The following NELL2 variants were observed in gnomAD, a reference collection of about 807,000 sequenced individuals.
NELL2 encodes protein kinase C-binding protein NELL2.
Under a neutral mutation model 109.6 loss-of-function variants are expected in NELL2, and 41 were observed. That is an observed-to-expected ratio of 0.37 (90% CI 0.29 to 0.49). The LOEUF is 0.49. Among genes scored for constraint, NELL2 ranks in the 20% least tolerant of loss-of-function variants. The probability of loss-of-function intolerance (pLI) is 0.98; values close to 1 mark genes in which losing one functional copy is unlikely to be tolerated. For synonymous variants in NELL2, 355 were observed against 344.7 expected (o/e 1.03, Z -0.33); for missense variants, 900 against 1,008.3 (o/e 0.89, Z 1.45).
intron 9 of NELL2, among the ~76,000 whole-genome samples, chr12:44,755,857 C>T (rs1054621109): frequency 5.9e-5 from 9 of 152,166 alleles, no homozygotes; most frequent in East Asian, 1.9e-4. Context: ...AAAATCCTAA[C>T]GATGGATGAA....
intron 9 of NELL2, among the ~76,000 whole-genome samples, chr12:44,768,110 A>G (rs188176320): frequency 3.3e-4 from 50 of 152,292 alleles, no homozygotes; most frequent in African/African-American, 9.9e-4. Flanking sequence ...CTCTGCTATG[A>G]GCTGACTAAT....
intron 2 of NELL2, among the ~76,000 whole-genome samples, chr12:44,852,157 T>C (rs1944552783): frequency 6.6e-6 from 1 of 152,232 alleles, no homozygotes; most frequent in South Asian, 2.1e-4. Flanking sequence ...TGATTTACTC[T>C]TTTTCTTTGA....
At chr12:44,705,137 T>C (rs1410285802) in intron 11 of NELL2, among the ~76,000 whole-genome samples, 2 of 152,148 alleles carry the variant, frequency 1.3e-5, no homozygotes, top group East Asian at 3.8e-4. Context: ...AGTACTATAT[T>C]GGTTCATCTT....
chr12:44,867,044 C>T (rs1287459510), intron 2 of NELL2, among the ~76,000 whole-genome samples: 1 of 152,106 alleles, frequency 6.6e-6, no homozygotes, highest in Non-Finnish European at 1.5e-5. Flanking sequence ...GATGGCTTCA[C>T]TGCTAAACTC....
intron 9 of NELL2, among the ~76,000 whole-genome samples, chr12:44,769,954 G>C (rs953315906): frequency 7.2e-5 from 11 of 152,124 alleles, no homozygotes; most frequent in Admixed American, 2.0e-4. Flanking sequence ...TTTCAACCTT[G>C]ATTAAGATAC....
At chr12:44,830,498 A>G (rs1943852343) in intron 2 of NELL2, among the ~76,000 whole-genome samples, 2 of 152,212 alleles carry the variant, frequency 1.3e-5, no homozygotes, top group African/African-American at 4.8e-5. Context: ...TTTCACTGCA[A>G]GAAAGAAAAC....
chr12:44,725,995 C>T (rs568002284), intron 9 of NELL2, among the ~76,000 whole-genome samples: 6 of 152,064 alleles, frequency 3.9e-5, no homozygotes, highest in South Asian at 4.2e-4. Context: ...TACCCCCAAA[C>T]GTAAGAAAAA....
At chr12:44,725,631 A>G (rs1013409089) in intron 9 of NELL2, among the ~76,000 whole-genome samples, 1 of 152,230 alleles carries the variant, frequency 6.6e-6, no homozygotes, top group Non-Finnish European at 1.5e-5. Context: ...AGACTGGATT[A>G]AAAAAATGTG....
intron 9 of NELL2, among the ~76,000 whole-genome samples, chr12:44,766,077 C>T (rs967814300): frequency 1.3e-5 from 2 of 150,084 alleles, no homozygotes; most frequent in Non-Finnish European, 3.0e-5. Flanking sequence ...CAGAGCAAGA[C>T]TCCGTATCAG....
intron 3 of NELL2, among the ~76,000 whole-genome samples, chr12:44,799,721 G>T (rs116449805): frequency 6.6e-6 from 1 of 152,084 alleles, no homozygotes; most frequent in African/African-American, 2.4e-5. Flanking sequence ...TGTAGGGGGG[G>T]TGATGTATTT....
At chr12:44,909,025 A>T (rs1036196036) in intron 1 of NELL2, among the ~76,000 whole-genome samples, 2 of 151,986 alleles carry the variant, frequency 1.3e-5, no homozygotes, top group African/African-American at 2.4e-5. Context: ...TGCTCTATTA[A>T]GTTGAAAAAG....
At chr12:44,742,594 A>G (rs1433154824) in intron 9 of NELL2, among the ~76,000 whole-genome samples, 1 of 152,218 alleles carries the variant, frequency 6.6e-6, no homozygotes, top group Non-Finnish European at 1.5e-5. Context: ...TAGAACAACC[A>G]ATGCAGAGAA....
intron 3 of NELL2, among the ~76,000 whole-genome samples, chr12:44,785,768 A>G (rs1942142763): frequency 6.6e-6 from 1 of 152,156 alleles, no homozygotes; most frequent in African/African-American, 2.4e-5. Flanking sequence ...GACAAAAACA[A>G]GCAATAGGGA....
Position 44,508,853 on chromosome 12 carries a change from C to A in NELL2, c.*81G>T, listed in dbSNP as rs568173323. On this transcript the variant is annotated 3_prime_UTR_variant, in exon 20 of 20. Transcript: ENST00000429094. ...CTGCATTTAGCTGCCCACAAATCAC[C>A]CAATTTAAGTTTTAACTTCTTTTTG... The A allele has an allele frequency of 6.6e-6, 8 of 1,213,754 alleles. No homozygotes were observed. The highest frequency in any genetic ancestry group is 3.9e-4 in the Middle Eastern group (2 of 5,128). 75.2% of individuals were successfully genotyped at this position (1,213,754 alleles called of 1,614,324 possible).
At chr12:44,535,726 A>G (rs7953009) in intron 15 of NELL2, among the ~76,000 whole-genome samples, 81,402 of 151,642 alleles carry the variant, frequency 0.54, 22,851 homozygotes, top group East Asian at 0.72. Flanking sequence ...ATAAAACTTT[A>G]AAATTTTAAA....
chr12:44,682,491 C>A (rs1948549751), intron 12 of NELL2, among the ~76,000 whole-genome samples: 2 of 152,070 alleles, frequency 1.3e-5, no homozygotes, highest in African/African-American at 4.8e-5. Context: ...GAAGTCCTTG[C>A]CCATGCCTAT....
intron 9 of NELL2, among the ~76,000 whole-genome samples, chr12:44,768,324 A>T (rs1941415550): frequency 6.6e-6 from 1 of 150,734 alleles, no homozygotes; most frequent in South Asian, 2.1e-4. Flanking sequence ...TTTTTTTTTT[A>T]ATTAAGATAA....
At chr12:44,812,190 AGGCTCCACT>A (rs1206175002) in intron 3 of NELL2, among the ~76,000 whole-genome samples, 5 of 152,170 alleles carry the variant, frequency 3.3e-5, no homozygotes, top group Non-Finnish European at 7.4e-5. Context: ...TTCATATAGA[AGGCTCCACT>A]GGCACATTGA....
intron 19 of NELL2, among the ~76,000 whole-genome samples, chr12:44,510,212 T>C (rs182588129): frequency 1.3e-5 from 2 of 152,330 alleles, no homozygotes; most frequent in African/African-American, 4.8e-5. Flanking sequence ...CTTAAGTGTG[T>C]ACTCTGTGTC....
Sources: gnomAD v4.1 joint callset for allele counts (sites outside exome capture counted in the v4.1 genomes callset) on GRCh38, gnomAD v4.1.1 for gene constraint, MANE v1.5 for transcripts, NCBI Gene and HGNC (gene_info 2026-07-23, HGNC 2026-07-21) for gene names.